Variants in HIPK1 observed in about 807,000 individuals in gnomAD.
HIPK1 encodes homeodomain-interacting protein kinase 1.
In HIPK1, 28 loss-of-function variants were observed where a neutral mutation model predicts 117.1. That is an observed-to-expected ratio of 0.24 (90% CI 0.18 to 0.33). The LOEUF (loss-of-function observed/expected upper bound fraction) is 0.33, where lower values mean the gene tolerates loss of function less well. HIPK1 is among the 10% of genes least tolerant of loss of function. The pLI, the probability that HIPK1 is intolerant of heterozygous loss-of-function variation, is 1.00. For missense variants in HIPK1, 1,122 were observed against 1,475.1 expected, an observed-to-expected ratio of 0.76 and a Z score of 3.92; for synonymous variants, 605 against 562.5, an observed-to-expected ratio of 1.08 and a Z score of -1.07.
In HIPK1 at chr1:113,962,379, A is replaced by G; in HGVS notation, c.2044A>G (p.Ile682Val). 3 of 1,613,966 alleles carry G rather than the reference A, an allele frequency of 1.9e-6. No individual in the cohort carries two copies. Among genetic ancestry groups the G allele is most frequent in the Non-Finnish European group, 1.7e-6 (2 of 1,179,880 alleles). Residue 682 changes from isoleucine to valine, a missense_variant, in exon 9 of 16, where the codon ATT becomes GTT. Physicochemically the swap from Ile to Val is conservative, Grantham distance 29. Transcript: ENST00000426820. ...TGTGAGGATGGATAATGCTGTACCG[A>G]TTGTACCCCAGGCACCAGCTGCTCA... ...FPVRMDNAVP[I>V]VPQAPAAQPL...
rs1671858489 is a variant in HIPK1 at position 113,958,301 on chromosome 1, G to A, written c.1981+10G>A. 1 of 1,579,884 alleles carries A rather than the reference G, an allele frequency of 6.3e-7. No homozygotes were observed. Among genetic ancestry groups the A allele is most frequent in the Non-Finnish European group, 8.7e-7 (1 of 1,150,824 alleles). On this transcript the variant is annotated intron_variant, in intron 8 of 15. Transcript: ENST00000426820. ...CCACCTGCGTTTCAAAGTAAGTGGG[G>A]AAACTCCTGTATCATATGGTATTGT... is the stretch of plus-strand genomic sequence containing the variant.
chr1:113,969,220 A>G (rs1409452207), intron 13 of HIPK1, among the ~76,000 whole-genome samples: 1 of 152,224 alleles, frequency 6.6e-6, no homozygotes, highest in Non-Finnish European at 1.5e-5. Context: ...CTTGGAAGAG[A>G]AAATTTAGAA....
At chr1:113,933,434 A>G (rs72998179) in intron 1 of HIPK1, among the ~76,000 whole-genome samples, 1,588 of 152,266 alleles carry the variant, frequency 0.01, 34 homozygotes, top group African/African-American at 0.037. Context: ...AGATCTTGCA[A>G]GGCCTGGTAA....
chr1:113,930,804 G>T (rs1177856168), intron 1 of HIPK1: 1 of 152,230 alleles, frequency 6.6e-6, no homozygotes, highest in African/African-American at 2.4e-5. Context: ...TGGGGAGGGG[G>T]GTTCAGGATG....
chr1:113,963,996 G>T lies in HIPK1; in HGVS notation c.2238+475G>T, dbSNP rs549395267. Among the ~76,000 whole-genome samples the T allele has an allele frequency of 2.6e-5, 4 of 152,212 alleles. No individual in the cohort carries two copies. The South Asian group carries it at 8.3e-4, about 32-fold the overall frequency. On this transcript the variant is annotated intron_variant, in intron 10 of 15. Coordinates refer to ENST00000426820, the MANE Select transcript of HIPK1 (RefSeq NM_198268.3). ...CTTTCTCCTTTTTTTGCTGTTTTAA[G>T]GTTCTAAAACTTTTCTGCATGTGGA...
At chr1:113,970,412 A>C (rs1163532203) in intron 14 of HIPK1, among the ~76,000 whole-genome samples, 1 of 152,216 alleles carries the variant, frequency 6.6e-6, no homozygotes, top group Non-Finnish European at 1.5e-5. Context: ...TAATATACAA[A>C]TGAGATTGTA....
intron 8 of HIPK1, among the ~76,000 whole-genome samples, chr1:113,959,731 A>T (rs1239433597): frequency 6.6e-6 from 1 of 152,230 alleles, no homozygotes; most frequent in East Asian, 1.9e-4. Flanking sequence ...CTATCTAGGA[A>T]GTATAAATAA....
At chr1:113,948,861 G>A (rs1671156347) in intron 2 of HIPK1, among the ~76,000 whole-genome samples, 2 of 151,506 alleles carry the variant, frequency 1.3e-5, no homozygotes, top group South Asian at 4.2e-4. Flanking sequence ...TTTCTGAGAC[G>A]GAGTTTCGCT....
chr1:113,968,262 C>G (rs1434313324), intron 12 of HIPK1, among the ~76,000 whole-genome samples, 180 bp from the exon 13 acceptor site: 1 of 152,138 alleles, frequency 6.6e-6, no homozygotes, highest in East Asian at 1.9e-4. Flanking sequence ...GTGTTCTTGT[C>G]CCTGGAAACT....
rs1178762929 is a variant in HIPK1, at chr1:113,973,951, T to C, written c.*439T>C. On this transcript the variant is annotated 3_prime_UTR_variant, in exon 16 of 16. Transcript: ENST00000426820. ...TCAGGAAAAATGCTGATAGAAGGAGTTGAAATCTGATGACAAAAAAAGAAA... is the reference window on the plus strand; with the variant it reads ...TCAGGAAAAATGCTGATAGAAGGAGCTGAAATCTGATGACAAAAAAAGAAA... The C allele has an allele frequency of 6.5e-6, 1 of 154,724 alleles. No individual in the cohort carries two copies. Among genetic ancestry groups the C allele is most frequent in the African/African-American group, 2.4e-5 (1 of 41,554 alleles). 9.6% of individuals were successfully genotyped at this position (154,724 alleles called of 1,614,324 possible).
chr1:113,964,403 T>G (rs1442428469), intron 10 of HIPK1, among the ~76,000 whole-genome samples: 1 of 152,220 alleles, frequency 6.6e-6, no homozygotes, highest in Non-Finnish European at 1.5e-5. Context: ...TGAGGTGTGT[T>G]TCAGGATTTG....
At chr1:113,939,928 T>C (rs571122414) in intron 1 of HIPK1, among the ~76,000 whole-genome samples, 6 of 151,976 alleles carry the variant, frequency 3.9e-5, no homozygotes, top group African/African-American at 9.6e-5. Flanking sequence ...CAGAATATAC[T>C]CTAGCTTTCT....
intron 2 of HIPK1, chr1:113,951,360 G>A: frequency 1.2e-6 from 1 of 834,150 alleles, no homozygotes; most frequent in Non-Finnish European, 1.4e-6. Context: ...CCAGATTGCA[G>A]GGATTCAAAT....
At chr1:113,936,371 G>A (rs561181199) in intron 1 of HIPK1, among the ~76,000 whole-genome samples, 17 of 152,062 alleles carry the variant, frequency 1.1e-4, no homozygotes, top group Non-Finnish European at 2.4e-4. Context: ...GTGAAGATCT[G>A]AAATCATAAG....
intron 15 of HIPK1, 40 bp from the exon 16 acceptor site, chr1:113,972,984 G>C (rs1470341855): frequency 1.3e-6 from 2 of 1,509,156 alleles, no homozygotes; most frequent in East Asian, 4.6e-5. Flanking sequence ...CTGAGCTGGA[G>C]TGACCTCAGG....
rs1398540656 is a variant in HIPK1 at position 113,973,126 on chromosome 1, A to G, written c.3247A>G (p.Thr1083Ala). The G allele has an allele frequency of 4.4e-6, 7 of 1,592,620 alleles. No individual in the cohort carries two copies. Among genetic ancestry groups the G allele is most frequent in the Non-Finnish European group, 6.0e-6 (7 of 1,169,370 alleles). ...GGCCCCTCTCTCCCAAGCCCCCTAC[A>G]CCTTCCAGCATGGCAGCCCGCTACA... ...FVAPLSQAPY[T>A]FQHGSPLHST... is the part of the protein sequence containing the mutation. The change falls in exon 16 of 16, where the codon ACC becomes GCC. Residue 1083 changes from threonine (T) to alanine (A), a missense_variant. Physicochemically the swap from Thr to Ala is moderately conservative, Grantham distance 58. Around this residue, in one of 6 missense-constraint regions of HIPK1, gnomAD observed 731 missense variants for 860.4 expected, o/e 0.85. Coordinates refer to ENST00000426820, the MANE Select transcript of HIPK1 (RefSeq NM_198268.3).
At position 113,973,944 on chromosome 1, in the gene HIPK1, G is replaced by A. The variant is rs1673008030; in HGVS notation, c.*432G>A. 6.4e-6 allele frequency: 1 copy of A among 155,058 alleles called. No individual in the cohort carries two copies. Among genetic ancestry groups the A allele is most frequent in the African/African-American group, 2.4e-5 (1 of 41,552 alleles). 9.6% of individuals were successfully genotyped at this position (155,058 alleles called of 1,614,324 possible). A position where few individuals can be genotyped will look rare whatever the true frequency, so the allele number is the denominator to read the frequency against. ...TTGCTGGTCAGGAAAAATGCTGATA[G>A]AAGGAGTTGAAATCTGATGACAAAA... On this transcript the variant is annotated 3_prime_UTR_variant, in exon 16 of 16. Coordinates refer to ENST00000426820, the MANE Select transcript of HIPK1 (RefSeq NM_198268.3).
At chr1:113,959,393 T>A (rs980902719) in intron 8 of HIPK1, among the ~76,000 whole-genome samples, 1 of 152,186 alleles carries the variant, frequency 6.6e-6, no homozygotes, top group African/African-American at 2.4e-5. Context: ...TCAAAATCCG[T>A]AAATGCACGT....
intron 10 of HIPK1, among the ~76,000 whole-genome samples, chr1:113,963,749 T>A (rs1158905153): frequency 6.6e-6 from 1 of 152,216 alleles, no homozygotes; most frequent in Non-Finnish European, 1.5e-5. Context: ...TGTAGCACTG[T>A]CTGACTGATG....
Sources: allele counts gnomAD v4.1 joint callset (sites outside exome capture counted in the v4.1 genomes callset), GRCh38; gene constraint gnomAD v4.1.1; regional missense constraint gnomAD v4.1.1; transcripts MANE v1.5; gene names NCBI Gene and HGNC (gene_info 2026-07-23, HGNC 2026-07-21).